SLC41A2: variants seen among roughly 807,000 people sequenced by gnomAD.
The protein encoded by SLC41A2 is solute carrier family 41 member 2.
Under a neutral mutation model 58.3 loss-of-function variants are expected in SLC41A2, and 32 were observed. That is an observed-to-expected ratio of 0.55 (90% CI 0.41 to 0.74). The LOEUF (loss-of-function observed/expected upper bound fraction) is 0.74, where lower values mean the gene tolerates loss of function less well. SLC41A2 is among the 30% of genes least tolerant of loss of function. The pLI, the probability that SLC41A2 is intolerant of heterozygous loss-of-function variation, is 0.00. For synonymous variants in SLC41A2, 190 were observed against 235.0 expected (o/e 0.81, Z 1.75); for missense variants, 514 against 680.6 (o/e 0.76, Z 2.72).
At chr12:104,945,364 G>A (rs1398853055) in intron 1 of SLC41A2, among the ~76,000 whole-genome samples, 1 of 151,706 alleles carries the variant, frequency 6.6e-6, no homozygotes, top group African/African-American at 2.4e-5. Flanking sequence ...GCCGGGCGTG[G>A]TGGCGGGCGC....
intron 3 of SLC41A2, among the ~76,000 whole-genome samples, chr12:104,901,100 A>T (rs1593104798): frequency 6.6e-6 from 1 of 152,216 alleles, no homozygotes; most frequent in Non-Finnish European, 1.5e-5. Context: ...CTCTGAGAAG[A>T]GGTTTGAGGC....
At chr12:104,867,770 C>T (rs2043543002) in intron 6 of SLC41A2, among the ~76,000 whole-genome samples, 1 of 149,214 alleles carries the variant, frequency 6.7e-6, no homozygotes, top group Non-Finnish European at 1.5e-5. Flanking sequence ...TAATCTAAGT[C>T]AAATGTTACT....
intron 2 of SLC41A2, among the ~76,000 whole-genome samples, chr12:104,910,174 C>T (rs1180646921): frequency 3.9e-5 from 6 of 152,154 alleles, no homozygotes; most frequent in South Asian, 2.1e-4. Flanking sequence ...AAAATTAGTG[C>T]TATTACTACC....
At position 104,942,426 on chromosome 12, in the gene SLC41A2, C is replaced by T. The variant is rs75753803; in HGVS notation, c.-167-13732G>A. On this transcript the variant is annotated intron_variant, in intron 1 of 10. Coordinates refer to ENST00000258538, the MANE Select transcript of SLC41A2 (RefSeq NM_001352171.3). ...CTGAGAAGTCGAAGCTGTAGTAAGCCATGATCATATCACTGCACTCCAGCC... is the reference window on the plus strand; with the variant it reads ...CTGAGAAGTCGAAGCTGTAGTAAGCTATGATCATATCACTGCACTCCAGCC... Among the ~76,000 whole-genome samples, 24 of 149,220 alleles carry T rather than the reference C, an allele frequency of 1.6e-4. No individual in the cohort carries two copies. The East Asian group carries it at 4.8e-3, about 30-fold the overall frequency.
intron 10 of SLC41A2, among the ~76,000 whole-genome samples, chr12:104,824,063 G>A (rs2041745779): frequency 6.6e-6 from 1 of 152,158 alleles, no homozygotes; most frequent in South Asian, 2.1e-4. Flanking sequence ...TACGGAAGAG[G>A]TGAAGGGAAG....
At chr12:104,951,223 T>A (rs1565926474) in intron 1 of SLC41A2, among the ~76,000 whole-genome samples, 1 of 152,228 alleles carries the variant, frequency 6.6e-6, no homozygotes, top group African/African-American at 2.4e-5. Flanking sequence ...TACTTTCCCA[T>A]ATTTAGAGTT....
chr12:104,914,070 GA>G (rs898198455), intron 2 of SLC41A2, among the ~76,000 whole-genome samples: 5 of 148,290 alleles, frequency 3.4e-5, no homozygotes, highest in South Asian at 2.1e-4. Context: ...TCAAAAAAAA[GA>G]AAAAAAAAAG....
At chr12:104,909,161 G>A (rs2045974943) in intron 3 of SLC41A2, among the ~76,000 whole-genome samples, 1 of 152,126 alleles carries the variant, frequency 6.6e-6, no homozygotes, top group African/African-American at 2.4e-5. Context: ...TTTACATTAT[G>A]ATATACCTAA....
intron 1 of SLC41A2, among the ~76,000 whole-genome samples, chr12:104,940,026 T>A (rs985066329): frequency 3.3e-5 from 5 of 152,122 alleles, no homozygotes; most frequent in African/African-American, 1.2e-4. Flanking sequence ...TATTATTTTT[T>A]TTTTGAGACG....
intron 10 of SLC41A2, among the ~76,000 whole-genome samples, chr12:104,833,576 C>T (rs1245980093): frequency 6.6e-6 from 1 of 152,136 alleles, no homozygotes; most frequent in African/African-American, 2.4e-5. Flanking sequence ...ACCCTTTAAG[C>T]TTCCCTTTTA....
intron 10 of SLC41A2, among the ~76,000 whole-genome samples, chr12:104,834,819 A>T (rs575926962): frequency 6.6e-6 from 1 of 152,338 alleles, no homozygotes; most frequent in South Asian, 2.1e-4. Flanking sequence ...GGAATAAAGT[A>T]ACTTGCCTGA....
intron 10 of SLC41A2, among the ~76,000 whole-genome samples, chr12:104,834,778 C>T (rs1275655828): frequency 6.6e-6 from 1 of 152,004 alleles, no homozygotes; most frequent in African/African-American, 2.4e-5. Context: ...GAAGCCTTAT[C>T]ATTTTATATG....
intron 6 of SLC41A2, among the ~76,000 whole-genome samples, chr12:104,878,525 A>C (rs11112221): frequency 6.9e-4 from 101 of 146,380 alleles, no homozygotes; most frequent in African/African-American, 2.5e-3. Flanking sequence ...AGGTATTCTC[A>C]TTGTTCAACT....
intron 10 of SLC41A2, among the ~76,000 whole-genome samples, chr12:104,842,635 G>C (rs951345249): frequency 6.6e-6 from 1 of 152,002 alleles, no homozygotes; most frequent in Non-Finnish European, 1.5e-5. Context: ...TTTACAGAGG[G>C]GGTAACTGAG....
intron 8 of SLC41A2, among the ~76,000 whole-genome samples, chr12:104,858,784 G>C (rs2043107715): frequency 6.6e-6 from 1 of 152,036 alleles, no homozygotes; most frequent in African/African-American, 2.4e-5. Context: ...AGTGCTGATA[G>C]CCAACTAAGA....
chr12:104,925,077 T>C (rs553286907), intron 2 of SLC41A2, among the ~76,000 whole-genome samples: 37 of 151,822 alleles, frequency 2.4e-4, no homozygotes, highest in Middle Eastern at 3.4e-3. Flanking sequence ...AGGGCAGCAA[T>C]TGGAAGAAGG....
chr12:104,863,522 T>C (rs1275931224), intron 7 of SLC41A2, among the ~76,000 whole-genome samples: 1 of 152,174 alleles, frequency 6.6e-6, no homozygotes, highest in East Asian at 1.9e-4. Context: ...TCCTTCTCTG[T>C]ACTAGAAATT....
intron 1 of SLC41A2, among the ~76,000 whole-genome samples, chr12:104,939,036 G>C (rs1032966912): frequency 3.3e-5 from 5 of 152,266 alleles, no homozygotes; most frequent in Admixed American, 2.6e-4. Flanking sequence ...CAAAATCTCA[G>C]ACTAAAGGGC....
At chr12:104,943,787 G>A (rs1349479174) in intron 1 of SLC41A2, among the ~76,000 whole-genome samples, 1 of 152,126 alleles carries the variant, frequency 6.6e-6, no homozygotes, top group African/African-American at 2.4e-5. Flanking sequence ...GAAGGTGACC[G>A]CATCCACCTT....
Sources: allele counts gnomAD v4.1 joint callset (sites outside exome capture counted in the v4.1 genomes callset), GRCh38; gene constraint gnomAD v4.1.1; transcripts MANE v1.5; gene names NCBI Gene and HGNC (gene_info 2026-07-23, HGNC 2026-07-21).